Variants in CEP192 observed in about 807,000 individuals in gnomAD.
CEP192 encodes the protein centrosomal protein of 192 kDa.
In CEP192, 151 loss-of-function variants were observed where a neutral mutation model predicts 271.8. The observed-to-expected ratio is 0.56, with a 90% CI of 0.49 to 0.64. The LOEUF (loss-of-function observed/expected upper bound fraction) is 0.64, where lower values mean the gene tolerates loss of function less well. CEP192 is among the 30% of genes least tolerant of loss of function. CEP192 has a pLI of 0.00. For missense variants in CEP192, 2,910 were observed against 3,020.5 expected (o/e 0.96, Z 0.86); for synonymous variants, 995 against 1,076.5 (o/e 0.92, Z 1.48).
intron 38 of CEP192, 32 bp downstream of exon 38, chr18:13,100,544 G>C: frequency 6.8e-7 from 1 of 1,480,464 alleles, no homozygotes; most frequent in Non-Finnish European, 9.4e-7. Context: ...TAATTCAAAT[G>C]TCTGCTGATA....
intron 30 of CEP192, among the ~76,000 whole-genome samples, chr18:13,078,364 G>C (rs2038401819): frequency 6.6e-6 from 1 of 152,094 alleles, no homozygotes; most frequent in Non-Finnish European, 1.5e-5. Context: ...CCAAGTCTTT[G>C]CTATTGTGAA....
chr18:13,075,766 C>A (rs900289151), intron 30 of CEP192, among the ~76,000 whole-genome samples: 1 of 152,194 alleles, frequency 6.6e-6, no homozygotes, highest in Admixed American at 6.5e-5. Flanking sequence ...TACTACTACT[C>A]TTGCCATTTT....
intron 32 of CEP192, among the ~76,000 whole-genome samples, chr18:13,089,130 C>T: frequency 6.6e-6 from 1 of 152,094 alleles, no homozygotes; most frequent in Middle Eastern, 3.2e-3. Flanking sequence ...CCATTTTTAG[C>T]ATGTTCTTTT....
At chr18:13,069,028 A>G (rs2037866967) in intron 25 of CEP192, 37 bp downstream of exon 25, 1 of 1,614,096 alleles carries the variant, frequency 6.2e-7, no homozygotes, top group Middle Eastern at 1.6e-4. Context: ...TACTGCTTTC[A>G]TTCATGCTGA....
intron 38 of CEP192, among the ~76,000 whole-genome samples, chr18:13,101,880 C>T (rs2039723409): frequency 6.6e-6 from 1 of 152,144 alleles, no homozygotes. Flanking sequence ...CTTGTCACTT[C>T]TGGACTCCTG....
chr18:13,056,180 A>G lies in CEP192; in HGVS notation c.3590A>G (p.Gln1197Arg). ...TGCCAGGAGCCTATAGATGAAGATC[A>G]AAGAATAAGTCCTAAAGATAAGTCA... is the stretch of plus-strand genomic sequence containing the variant. ...VSCQEPIDED[Q>R]RISPKDKSTA... The change falls in exon 19 of 45, where the codon CAA becomes CGA. Residue 1197 changes from glutamine to arginine, a missense_variant. Gln to Arg is a conservative substitution (Grantham distance 43). Transcript: ENST00000506447. The G allele has an allele frequency of 1.2e-6, 2 of 1,614,066 alleles. No individual in the cohort carries two copies. The highest frequency in any genetic ancestry group is 1.6e-4 in the Middle Eastern group (1 of 6,062).
chr18:13,009,142 A>G (rs1039489716), intron 4 of CEP192, among the ~76,000 whole-genome samples: 3 of 151,652 alleles, frequency 2.0e-5, no homozygotes, highest in African/African-American at 7.3e-5. Context: ...GGATGCATGC[A>G]TCGTCACTCC....
intron 6 of CEP192, 128 bp downstream of exon 6, chr18:13,015,576 C>A (rs1212218726): frequency 3.9e-6 from 3 of 762,532 alleles, no homozygotes; most frequent in East Asian, 2.7e-5. Flanking sequence ...TACCTGCCAG[C>A]ACTCAAATGG....
intron 19 of CEP192, among the ~76,000 whole-genome samples, chr18:13,056,983 T>G (rs2037141546): frequency 6.6e-6 from 1 of 152,174 alleles, no homozygotes; most frequent in Non-Finnish European, 1.5e-5. Context: ...AAATGTCCAG[T>G]TTAGAATTGA....
In CEP192 at chr18:13,095,633, C is replaced by G. The variant is rs768731651; in HGVS notation, c.6385C>G (p.Pro2129Ala). ...TCTGGATCAGCTGGCCTCCGAAGAG[C>G]CGTGGACTGTCCTACCCGAGCACTT... The part of the protein sequence containing the change: ...PPLDQLASEE[P>A]WTVLPEHLIL... Residue 2129 changes from proline (P) to alanine (A), a missense_variant, in exon 35 of 45, where the codon CCG becomes GCG. Pro to Ala is a conservative substitution (Grantham distance 27). Transcript: ENST00000506447. 6.2e-7 allele frequency: 1 copy of G among 1,614,200 alleles called. No individual in the cohort carries two copies. The highest frequency in any genetic ancestry group is 8.5e-7 in the Non-Finnish European group (1 of 1,180,026).
chr18:13,113,313 T>G (rs1452105814), intron 40 of CEP192, among the ~76,000 whole-genome samples: 2 of 152,216 alleles, frequency 1.3e-5, no homozygotes, highest in East Asian at 3.8e-4. Flanking sequence ...GCTTTAGTGC[T>G]TTCTGATAAC....
rs1374786449 is a variant in CEP192 at position 13,114,155 on chromosome 18, A to C, written c.7193A>C (p.Glu2398Ala). 2 of 1,613,654 alleles carry C rather than the reference A, an allele frequency of 1.2e-6. No individual in the cohort carries two copies. The highest frequency in any genetic ancestry group is 2.7e-5 in the African/African-American group (2 of 74,916). ...AGCATCGAAGCAGAAAATGAGCCTGAAAACGCATGCCTTTCCACGGATTCC... is the reference window on the plus strand; with the variant it reads ...AGCATCGAAGCAGAAAATGAGCCTGCAAACGCATGCCTTTCCACGGATTCC... ...GQSIEAENEP[E>A]NACLSTDSLI... is the part of the protein sequence containing the mutation. The change falls in exon 42 of 45, where the codon GAA becomes GCA. Residue 2398 changes from glutamate (E) to alanine (A), a missense_variant. Transcript: ENST00000506447.
chr18:13,001,630 A>G (rs1213564460), intron 3 of CEP192, 48 bp downstream of exon 3: 1 of 1,476,944 alleles, frequency 6.8e-7, no homozygotes, highest in Admixed American at 2.5e-5. Flanking sequence ...AGTGGGTCTT[A>G]CGCAGTCTTG....
In CEP192 at chr18:13,017,142, T is replaced by C. The variant is rs999042696; in HGVS notation, c.641-46T>C. 3.5e-6 allele frequency: 5 copies of C among 1,437,422 alleles called. No homozygotes were observed. In the Admixed American group the frequency reaches 1.1e-4, roughly 33 times the overall value. The allele number at this position is 1,437,422 out of a possible 1,614,324, so 89.0% of individuals were successfully genotyped here. ...TTTTTAATTACAAATTATTGCTTAG[T>C]CACTACTTTAAAGCATGTCCTGTTT... On this transcript the variant is annotated intron_variant, in intron 6 of 44. Transcript: ENST00000506447.
intron 20 of CEP192, 65 bp from the exon 21 acceptor site, chr18:13,059,017 A>G: frequency 1.0e-6 from 1 of 981,758 alleles, no homozygotes; most frequent in Admixed American, 1.8e-5. Flanking sequence ...ATCTTAAACT[A>G]GGTGATTCTA....
intron 21 of CEP192, among the ~76,000 whole-genome samples, chr18:13,064,698 G>A (rs1192524649): frequency 6.6e-6 from 1 of 151,936 alleles, no homozygotes; most frequent in African/African-American, 2.4e-5. Flanking sequence ...TGTGTATCTG[G>A]TTTTATGCCA....
At chr18:13,106,553 C>A (rs2039961333) in intron 40 of CEP192, among the ~76,000 whole-genome samples, 1 of 150,758 alleles carries the variant, frequency 6.6e-6, no homozygotes, top group Admixed American at 6.6e-5. Flanking sequence ...ATCTCCCACA[C>A]AACCCTCAAT....
chr18:13,094,734 A>G (rs1279325060), intron 34 of CEP192, among the ~76,000 whole-genome samples: 1 of 152,192 alleles, frequency 6.6e-6, no homozygotes, highest in African/African-American at 2.4e-5. Context: ...ACGTGGACTA[A>G]TGTACAAATC....
chr18:13,103,815 A>T lies in CEP192; in HGVS notation c.6951+227A>T, dbSNP rs116475654. 6.1e-3 allele frequency: 3,577 copies of T among 591,078 alleles called. 90 individuals are homozygous for T. Among genetic ancestry groups the T allele is most frequent in the African/African-American group, 0.049 (2,659 of 54,566 alleles). The allele number at this position is 591,078 out of a possible 1,614,324, so 36.6% of individuals were successfully genotyped here. On this transcript the variant is annotated intron_variant, in intron 39 of 44. Transcript: ENST00000506447. ...AAGCAATCCCCTGCCTTAGCCTCCC[A>T]TGTGGCTGGGACCACAGGTGTGCAC...
Sources: gnomAD v4.1 joint callset for allele counts (sites outside exome capture counted in the v4.1 genomes callset) on GRCh38, gnomAD v4.1.1 for gene constraint, MANE v1.5 for transcripts, NCBI Gene and HGNC (gene_info 2026-07-23, HGNC 2026-07-21) for gene names.